CTNNA2: variants seen among roughly 807,000 people sequenced by gnomAD.
The protein encoded by CTNNA2 is catenin alpha-2.
Under a neutral mutation model 101.0 loss-of-function variants are expected in CTNNA2, and 42 were observed. That is an observed-to-expected ratio of 0.42 (90% CI 0.32 to 0.54). CTNNA2 has a LOEUF of 0.54. Among genes scored for constraint, CTNNA2 ranks in the 20% least tolerant of loss-of-function variants. CTNNA2 has a pLI of 0.14. For missense variants in CTNNA2, 871 were observed against 1,223.1 expected, an observed-to-expected ratio of 0.71 and a Z score of 4.29; for synonymous variants, 450 against 456.4, an observed-to-expected ratio of 0.99 and a Z score of 0.18.
At chr2:79,799,949 T>C (rs935948028) in intron 3 of CTNNA2, among the ~76,000 whole-genome samples, 1 of 152,186 alleles carries the variant, frequency 6.6e-6, no homozygotes, top group Non-Finnish European at 1.5e-5. Flanking sequence ...AGTTCAGGGA[T>C]GTGAAACTGA....
chr2:79,308,990 C>A (rs1259039937), intron 2 of CTNNA2, among the ~76,000 whole-genome samples: 2 of 151,984 alleles, frequency 1.3e-5, no homozygotes, highest in Non-Finnish European at 2.9e-5. Context: ...CTATCAATCT[C>A]CTTCCTGCTG....
intron 12 of CTNNA2, among the ~76,000 whole-genome samples, chr2:80,563,061 AAG>A (rs549286412): frequency 0.033 from 3,551 of 108,714 alleles, 146 homozygotes; most frequent in South Asian, 0.12. Context: ...AAAAAAAAAA[AAG>A]AAAGACATGA....
At chr2:80,592,046 C>T (rs941097265) in intron 15 of CTNNA2, among the ~76,000 whole-genome samples, 4 of 152,024 alleles carry the variant, frequency 2.6e-5, no homozygotes, top group African/African-American at 2.4e-5. Flanking sequence ...TAACAAAAGG[C>T]GTGCAGATAG....
chr2:79,688,599 C>G (rs997644408), intron 2 of CTNNA2, among the ~76,000 whole-genome samples: 3 of 151,966 alleles, frequency 2.0e-5, no homozygotes, highest in East Asian at 3.9e-4. Context: ...TGAATTATCT[C>G]AACCAAGAAT....
intron 6 of CTNNA2, among the ~76,000 whole-genome samples, chr2:79,901,766 A>G (rs1685081811): frequency 6.6e-6 from 1 of 152,240 alleles, no homozygotes; most frequent in South Asian, 2.1e-4. Context: ...TCTTTGAAAC[A>G]TAATCTGTGG....
At chr2:79,224,339 C>T (rs775100437) in intron 2 of CTNNA2, among the ~76,000 whole-genome samples, 62 of 152,202 alleles carry the variant, frequency 4.1e-4, no homozygotes, top group Non-Finnish European at 7.4e-4. Flanking sequence ...TTATTTTCAA[C>T]GCTTTATCTT....
In CTNNA2 at chr2:80,615,169, C is replaced by T. The variant is rs564416756; in HGVS notation, c.2431-3916C>T. ...TTTACACATCTTTCCATTACCTTAG[C>T]TGGTTAAAAATAAGATAGAATCCAT... On this transcript the variant is annotated intron_variant, in intron 17 of 18. Coordinates refer to ENST00000402739, the MANE Select transcript of CTNNA2 (RefSeq NM_001282597.3). Among the ~76,000 whole-genome samples the T allele has an allele frequency of 6.6e-5, 10 of 151,582 alleles. No individual in the cohort carries two copies. In the South Asian group the frequency reaches 2.1e-3, roughly 31 times the overall value.
intron 7 of CTNNA2, among the ~76,000 whole-genome samples, chr2:80,247,650 T>A (rs1671429739): frequency 6.6e-6 from 1 of 152,200 alleles, no homozygotes; most frequent in Non-Finnish European, 1.5e-5. Flanking sequence ...CCTCAAACCT[T>A]GTTTTTCCAT....
chr2:80,116,010 A>C (rs1701492520), intron 7 of CTNNA2, among the ~76,000 whole-genome samples: 1 of 152,076 alleles, frequency 6.6e-6, no homozygotes, highest in Admixed American at 6.6e-5. Context: ...TATATTAGAC[A>C]AATTGTAAAG....
In CTNNA2 at chr2:80,190,215, G is replaced by C. The variant is rs566821427; in HGVS notation, c.1057-202996G>C. ...AAGGAGACCCAGAGCCAGCAAATGT[G>C]ACATGGGGTTTTACTAGGGGCTGAT... On this transcript the variant is annotated intron_variant, in intron 7 of 18. Transcript: ENST00000402739. Among the ~76,000 whole-genome samples, 154 of 152,102 alleles carry C rather than the reference G, an allele frequency of 1.0e-3. 2 individuals are homozygous for C. Among genetic ancestry groups the C allele is most frequent in the Middle Eastern group, 3.4e-3 (1 of 292 alleles).
At chr2:79,661,993 G>A (rs1682069609) in intron 2 of CTNNA2, among the ~76,000 whole-genome samples, 1 of 151,760 alleles carries the variant, frequency 6.6e-6, no homozygotes, top group African/African-American at 2.4e-5. Flanking sequence ...AATGTGAAGG[G>A]TAAAAGGGAA....
At chr2:79,504,931 T>A (rs891915591) in intron 4 of CTNNA2, 1 of 152,210 alleles carries the variant, frequency 6.6e-6, no homozygotes, top group African/African-American at 2.4e-5. Context: ...TATTAAATTT[T>A]CTAGGCTCTG....
chr2:79,674,509 C>T (rs1683058674), intron 2 of CTNNA2, among the ~76,000 whole-genome samples: 1 of 152,086 alleles, frequency 6.6e-6, no homozygotes, highest in Admixed American at 6.6e-5. Context: ...TTCTAAATGG[C>T]ATGACCCCAT....
At chr2:79,852,590 G>A (rs1353410846) in intron 3 of CTNNA2, among the ~76,000 whole-genome samples, 5 of 152,120 alleles carry the variant, frequency 3.3e-5, no homozygotes, top group African/African-American at 1.2e-4. Flanking sequence ...GTTTTGTTTT[G>A]AGACGGAGCT....
intron 7 of CTNNA2, among the ~76,000 whole-genome samples, chr2:79,958,611 G>A (rs186075149): frequency 6.6e-6 from 1 of 152,210 alleles, no homozygotes; most frequent in East Asian, 1.9e-4. Context: ...AAGGAATGCC[G>A]GTCTCCTAAC....
At chr2:79,380,907 C>T (rs1033876634) in intron 4 of CTNNA2, among the ~76,000 whole-genome samples, 3 of 152,176 alleles carry the variant, frequency 2.0e-5, no homozygotes, top group African/African-American at 7.2e-5. Flanking sequence ...CTCTCCAAAG[C>T]TGCTTTGAAT....
intron 9 of CTNNA2, among the ~76,000 whole-genome samples, chr2:80,539,093 A>C (rs1228299874): frequency 1.3e-5 from 2 of 152,068 alleles, no homozygotes; most frequent in Non-Finnish European, 2.9e-5. Flanking sequence ...ATCTCGGCTC[A>C]CTGTAACCTC....
At chr2:79,894,063 T>TTCTTCTTCCTCC (rs772035711) in intron 6 of CTNNA2, among the ~76,000 whole-genome samples, 5 of 61,370 alleles carry the variant, frequency 8.1e-5, no homozygotes, top group Admixed American at 4.3e-4. Context: ...CTTCTTCTTC[T>TTCTTCTTCCTCC]TCCTCCTCCT....
intron 7 of CTNNA2, among the ~76,000 whole-genome samples, chr2:80,105,970 C>T (rs997882030): frequency 1.3e-5 from 2 of 152,250 alleles, no homozygotes; most frequent in Admixed American, 6.5e-5. Context: ...TGGGTTCAAT[C>T]GCTTGGCAGG....
Sources: gnomAD v4.1 joint callset for allele counts (sites outside exome capture counted in the v4.1 genomes callset) on GRCh38, gnomAD v4.1.1 for gene constraint, MANE v1.5 for transcripts, NCBI Gene and HGNC (gene_info 2026-07-23, HGNC 2026-07-21) for gene names.